SGCZ: variants seen among roughly 807,000 people sequenced by gnomAD.
The protein encoded by SGCZ is zeta-sarcoglycan.
In SGCZ, 40 loss-of-function variants were observed where a neutral mutation model predicts 41.3. The ratio of observed to expected loss-of-function variants is 0.97; its 90% CI spans 0.75 to 1.26. The LOEUF (loss-of-function observed/expected upper bound fraction) is 1.26, where lower values mean the gene tolerates loss of function less well. Among genes scored for constraint, SGCZ ranks in the 50% most tolerant of loss-of-function variants. SGCZ has a pLI of 0.00. For synonymous variants in SGCZ, 206 were observed against 137.5 expected, an observed-to-expected ratio of 1.50 and a Z score of -3.49; for missense variants, 552 against 369.8, an observed-to-expected ratio of 1.49 and a Z score of -4.04.
At chr8:14,316,734 C>T (rs73666525) in intron 3 of SGCZ, among the ~76,000 whole-genome samples, 1,810 of 151,496 alleles carry the variant, frequency 0.012, 37 homozygotes, top group African/African-American at 0.037. Context: ...GAGTGCCCAA[C>T]GATTCATTCC....
At chr8:15,036,788 AC>A (rs1182557890) in intron 1 of SGCZ, among the ~76,000 whole-genome samples, 1 of 152,098 alleles carries the variant, frequency 6.6e-6, no homozygotes, top group Non-Finnish European at 1.5e-5. Context: ...AAAGGACACT[AC>A]AAAAAAAAAT....
intron 1 of SGCZ, among the ~76,000 whole-genome samples, chr8:14,619,501 G>A (rs1010314107): frequency 2.0e-5 from 3 of 152,118 alleles, no homozygotes; most frequent in Non-Finnish European, 4.4e-5. Context: ...AAGTCAAACT[G>A]TCCCTGTCTG....
chr8:14,241,428 T>A (rs1164012883), intron 3 of SGCZ, among the ~76,000 whole-genome samples: 3 of 148,656 alleles, frequency 2.0e-5, no homozygotes, highest in African/African-American at 7.3e-5. Context: ...TATAGCATGA[T>A]AAGCTAGTAT....
intron 1 of SGCZ, among the ~76,000 whole-genome samples, chr8:14,935,016 C>CA (rs35275361): frequency 0.093 from 9,135 of 97,994 alleles, 627 homozygotes; most frequent in African/African-American, 0.27. Context: ...AGACAAAATG[C>CA]AAAAAAAAAA....
Position 14,987,785 on chromosome 8 carries a change from G to A in SGCZ, c.39+249800C>T, listed in dbSNP as rs566179940. 1.8e-4 allele frequency among the ~76,000 whole-genome samples: 28 copies of A among 151,946 alleles called. No individual in the cohort carries two copies. In the South Asian group the frequency reaches 5.2e-3, roughly 28 times the overall value. On this transcript the variant is annotated intron_variant, in intron 1 of 7. Transcript: ENST00000382080. ...GTATTGCTTCATAATTAACCCAAAC[G>A]GAGGAAAAGGTAATTAATTTTTCAG...
At chr8:14,464,113 G>C (rs562846365) in intron 2 of SGCZ, among the ~76,000 whole-genome samples, 95 of 151,618 alleles carry the variant, frequency 6.3e-4, no homozygotes, top group African/African-American at 2.1e-3. Context: ...TTTGCTATCT[G>C]GGTAATGCTT....
intron 1 of SGCZ, among the ~76,000 whole-genome samples, chr8:14,613,349 G>T (rs756761923): frequency 1.3e-5 from 2 of 152,088 alleles, no homozygotes; most frequent in Non-Finnish European, 2.9e-5. Context: ...ATGAACGTAC[G>T]ATTGGAACCA....
intron 1 of SGCZ, among the ~76,000 whole-genome samples, chr8:14,942,673 T>A (rs1241126186): frequency 6.6e-6 from 1 of 152,174 alleles, no homozygotes; most frequent in Non-Finnish European, 1.5e-5. Context: ...TTTCCATCAC[T>A]GAAAATCTCT....
At chr8:15,188,815 G>C (rs1235558791) in intron 1 of SGCZ, among the ~76,000 whole-genome samples, 1 of 151,912 alleles carries the variant, frequency 6.6e-6, no homozygotes, top group Non-Finnish European at 1.5e-5. Context: ...GTTGATTTGA[G>C]AATAAGAAAG....
chr8:14,410,106 T>G (rs1399106010), intron 2 of SGCZ, among the ~76,000 whole-genome samples: 5 of 152,150 alleles, frequency 3.3e-5, no homozygotes, highest in Non-Finnish European at 7.3e-5. Context: ...CTTAAAGGAA[T>G]GCAAAACTCA....
Position 14,426,644 on chromosome 8 carries a change from C to G in SGCZ, c.235-102440G>C, listed in dbSNP as rs143106965. Among the ~76,000 whole-genome samples the G allele has an allele frequency of 4.6e-5, 7 of 152,112 alleles. No individual in the cohort carries two copies. The East Asian group carries it at 9.7e-4, about 21-fold the overall frequency. On this transcript the variant is annotated intron_variant, in intron 2 of 7. Transcript: ENST00000382080. ...ACTTCAAAATGCTGTTCAGCTGAACCAAGAGCCAGAAAATGAATAATTAAT... is the reference window on the plus strand; with the variant it reads ...ACTTCAAAATGCTGTTCAGCTGAACGAAGAGCCAGAAAATGAATAATTAAT...
At chr8:15,085,297 T>C (rs1279772586) in intron 1 of SGCZ, among the ~76,000 whole-genome samples, 1 of 152,124 alleles carries the variant, frequency 6.6e-6, no homozygotes, top group Admixed American at 6.5e-5. Flanking sequence ...CCTCAATGCC[T>C]AGCACCTTAA....
intron 4 of SGCZ, among the ~76,000 whole-genome samples, chr8:14,236,976 T>C (rs755652601): frequency 2.6e-5 from 4 of 152,046 alleles, no homozygotes; most frequent in African/African-American, 4.8e-5. Context: ...AATTTCAACA[T>C]CAAATATAGA....
chr8:14,229,226 A>G (rs1270636967), intron 4 of SGCZ, among the ~76,000 whole-genome samples: 3 of 152,146 alleles, frequency 2.0e-5, no homozygotes, highest in African/African-American at 7.2e-5. Flanking sequence ...GGACACAAAC[A>G]ATGAGCATCT....
intron 1 of SGCZ, among the ~76,000 whole-genome samples, chr8:14,845,979 A>T (rs1223200214): frequency 1.3e-5 from 2 of 152,206 alleles, no homozygotes; most frequent in African/African-American, 2.4e-5. Flanking sequence ...GGGTCAGTTC[A>T]CATGGAATCA....
chr8:15,071,456 ATACT>A (rs1563484793), intron 1 of SGCZ, among the ~76,000 whole-genome samples: 1 of 152,216 alleles, frequency 6.6e-6, no homozygotes, highest in African/African-American at 2.4e-5. Flanking sequence ...TACTAGACAC[ATACT>A]TAAAGTTTCC....
intron 1 of SGCZ, among the ~76,000 whole-genome samples, chr8:14,681,171 C>T (rs1808434644): frequency 6.6e-6 from 1 of 152,018 alleles, no homozygotes; most frequent in Non-Finnish European, 1.5e-5. Flanking sequence ...CAGCACAGCA[C>T]ACTAAAATAT....
chr8:14,754,033 T>G (rs572131139), intron 1 of SGCZ, among the ~76,000 whole-genome samples: 14 of 152,208 alleles, frequency 9.2e-5, no homozygotes, highest in Admixed American at 3.9e-4. Flanking sequence ...AAAAAAAAAG[T>G]TTGTTGCTTT....
intron 1 of SGCZ, among the ~76,000 whole-genome samples, chr8:15,031,239 T>C (rs185079722): frequency 1.4e-4 from 22 of 152,272 alleles, no homozygotes; most frequent in Non-Finnish European, 2.8e-4. Flanking sequence ...AATAGGTTTA[T>C]TCCTACAAGC....
Sources: gnomAD v4.1 joint callset for allele counts (sites outside exome capture counted in the v4.1 genomes callset) on GRCh38, gnomAD v4.1.1 for gene constraint, MANE v1.5 for transcripts, NCBI Gene and HGNC (gene_info 2026-07-23, HGNC 2026-07-21) for gene names.